The following PPP1R13B variants were observed in gnomAD, a reference collection of about 807,000 sequenced individuals.
The protein encoded by PPP1R13B is protein phosphatase 1 regulatory subunit 13B, also known as apoptosis-stimulating of p53 protein 1.
PPP1R13B carries 44 observed loss-of-function variants against 119.8 expected under a neutral mutation model. The observed-to-expected ratio is 0.37, with a 90% CI of 0.29 to 0.47. The LOEUF (loss-of-function observed/expected upper bound fraction) is 0.47, where lower values mean the gene tolerates loss of function less well. PPP1R13B is among the 20% of genes least tolerant of loss of function. The pLI, the probability that PPP1R13B is intolerant of heterozygous loss-of-function variation, is 0.99. For synonymous variants in PPP1R13B, 542 were observed against 561.5 expected, an observed-to-expected ratio of 0.97 and a Z score of 0.49; for missense variants, 1,227 against 1,413.5, an observed-to-expected ratio of 0.87 and a Z score of 2.12.
In PPP1R13B at chr14:103,739,985, G is replaced by A. The variant is rs2084211998; in HGVS notation, c.2431C>T (p.His811Tyr). The A allele has an allele frequency of 1.9e-6, 3 of 1,614,016 alleles. No individual in the cohort carries two copies. Among genetic ancestry groups the A allele is most frequent in the African/African-American group, 2.7e-5 (2 of 74,948 alleles). Residue 811 changes from histidine (H) to tyrosine (Y), a missense_variant, in exon 12 of 17, where the codon CAC becomes TAC. His to Tyr is a moderately conservative substitution (Grantham distance 83). Coordinates refer to ENST00000202556, the MANE Select transcript of PPP1R13B (RefSeq NM_015316.3). ...TCCTCTGCCGGCTCGGCAGTTTGGTGGGTGGTTTGGGGACAGATGAGCTCC... is the reference window on the plus strand; with the variant it reads ...TCCTCTGCCGGCTCGGCAGTTTGGTAGGTGGTTTGGGGACAGATGAGCTCC... The part of the protein sequence containing the change: ...PEELICPQTT[H>Y]QTAEPAEDNN...
chr14:103,847,605 C>G (rs1160196754), upstream of PPP1R13B: 1 of 986,110 alleles, frequency 1.0e-6, no homozygotes, highest in Non-Finnish European at 1.2e-6. Flanking sequence ...CGCTCTTCAG[C>G]CCCCGCAGGC....
chr14:103,754,250 A>T lies in PPP1R13B; in HGVS notation c.457-6T>A. ...AGAAAATGTAAACGCTGTTCCTAAC[A>T]AAAGAAAGAAAAATGTAACTTTGAA... On this transcript the variant is annotated splice_polypyrimidine_tract_variant and splice_region_variant and intron_variant, in intron 5 of 16. Transcript: ENST00000202556. The T allele has an allele frequency of 6.3e-7, 1 of 1,596,414 alleles. No individual in the cohort carries two copies. The highest frequency in any genetic ancestry group is 8.5e-7 in the Non-Finnish European group (1 of 1,172,964).
intron 1 of PPP1R13B, among the ~76,000 whole-genome samples, chr14:103,804,715 T>TA (rs1308826615): frequency 1.3e-5 from 2 of 151,738 alleles, no homozygotes; most frequent in Non-Finnish European, 2.9e-5. Flanking sequence ...GCCTGGGTGA[T>TA]AGAGTGAGAT....
chr14:103,775,773 G>A (rs1284644962), intron 4 of PPP1R13B, among the ~76,000 whole-genome samples: 1 of 152,094 alleles, frequency 6.6e-6, no homozygotes, highest in African/African-American at 2.4e-5. Context: ...TTCTTAAGAC[G>A]TCCTGAAGCA....
chr14:103,762,743 T>TG, intron 4 of PPP1R13B: 1 of 673,622 alleles, frequency 1.5e-6, no homozygotes, highest in Non-Finnish European at 2.8e-6. Context: ...GTGAGACGGA[T>TG]GGGGGTGGAG....
At chr14:103,815,755 C>CAAAAT (rs1461823284) in intron 1 of PPP1R13B, among the ~76,000 whole-genome samples, 3 of 146,858 alleles carry the variant, frequency 2.0e-5, no homozygotes, top group East Asian at 2.1e-4. Context: ...AACTCCATCT[C>CAAAAT]AAAATAAAAT....
chr14:103,739,870 G>A lies in PPP1R13B; in HGVS notation c.2546C>T (p.Pro849Leu), dbSNP rs2084207852. 1 of 1,613,678 alleles carries A rather than the reference G, an allele frequency of 6.2e-7. No individual in the cohort carries two copies. Among genetic ancestry groups the A allele is most frequent in the Non-Finnish European group, 8.5e-7 (1 of 1,179,940 alleles). Residue 849 changes from proline (P) to leucine (L), a missense_variant, in exon 12 of 17, where the codon CCT becomes CTT. Transcript: ENST00000202556. ...EAPSPGEEQV[P>L]PAPLPPASHP... ...GCTGGCAGGGGGAAGAGGTGCTGGA[G>A]GGACCTGCTCTTCCCCTGGAGATGG...
intron 1 of PPP1R13B, among the ~76,000 whole-genome samples, chr14:103,834,642 G>A (rs1421226476): frequency 6.8e-6 from 1 of 146,974 alleles, no homozygotes; most frequent in African/African-American, 2.5e-5. Flanking sequence ...CCAGGCTGGA[G>A]GGCAATGGAG....
intron 2 of PPP1R13B, among the ~76,000 whole-genome samples, chr14:103,792,928 G>A (rs889414285): frequency 1.9e-4 from 29 of 151,806 alleles, no homozygotes; most frequent in African/African-American, 6.5e-4. Flanking sequence ...AAAATTAGCC[G>A]GGCATGGTGG....
intron 2 of PPP1R13B, among the ~76,000 whole-genome samples, chr14:103,792,166 C>G (rs1199082526): frequency 1.2e-5 from 1 of 81,314 alleles, no homozygotes; most frequent in Non-Finnish European, 2.4e-5. Flanking sequence ...TCCCTCTATT[C>G]ATCGTGTGTG....
At chr14:103,799,421 G>GCC (rs1189656502) in intron 1 of PPP1R13B, among the ~76,000 whole-genome samples, 1 of 151,036 alleles carries the variant, frequency 6.6e-6, no homozygotes, top group Non-Finnish European at 1.5e-5. Flanking sequence ...CTCATGATCC[G>GCC]CCCGCCTTGG....
chr14:103,812,658 A>T (rs1363402655), intron 1 of PPP1R13B, among the ~76,000 whole-genome samples: 1 of 151,220 alleles, frequency 6.6e-6, no homozygotes, highest in African/African-American at 2.4e-5. Context: ...ACCTCAAATG[A>T]TCCCCCTGCC....
chr14:103,739,997 G>T lies in PPP1R13B; in HGVS notation c.2419C>A (p.Pro807Thr), dbSNP rs745693153. 1.9e-6 allele frequency: 3 copies of T among 1,614,138 alleles called. No individual in the cohort carries two copies. The South Asian group carries it at 3.3e-5, about 18-fold the overall frequency. Residue 807 changes from proline (P) to threonine (T), a missense_variant, in exon 12 of 17, where the codon CCC becomes ACC. Physicochemically the swap from Pro to Thr is conservative, Grantham distance 38. Coordinates refer to ENST00000202556, the MANE Select transcript of PPP1R13B (RefSeq NM_015316.3). The stretch of plus-strand genomic sequence containing the variant: ...TCGGCAGTTTGGTGGGTGGTTTGGG[G>T]ACAGATGAGCTCCTCTGGTTCGGGG... ...PSPEPEELIC[P>T]QTTHQTAEPA...
intron 12 of PPP1R13B, chr14:103,739,264 CA>C (rs1475324045): frequency 7.9e-6 from 4 of 506,918 alleles, no homozygotes; most frequent in African/African-American, 7.6e-5. Context: ...CACAGAGGGA[CA>C]CGGCTGTGTT....
chr14:103,807,658 C>T (rs1334303719), intron 1 of PPP1R13B, among the ~76,000 whole-genome samples: 1 of 152,014 alleles, frequency 6.6e-6, no homozygotes, highest in African/African-American at 2.4e-5. Context: ...CCACGCCCGG[C>T]TAATTTTTTG....
intron 1 of PPP1R13B, among the ~76,000 whole-genome samples, chr14:103,840,577 T>C (rs1057325987): frequency 5.9e-5 from 9 of 151,688 alleles, no homozygotes; most frequent in Admixed American, 6.6e-5. Flanking sequence ...TCATTTGAGG[T>C]CAGGAGTTTG....
chr14:103,765,737 A>C (rs561235820), intron 4 of PPP1R13B, among the ~76,000 whole-genome samples: 1 of 152,240 alleles, frequency 6.6e-6, no homozygotes, highest in East Asian at 1.9e-4. Context: ...AGGCAATGCC[A>C]TCTGCTTCCT....
At position 103,738,109 on chromosome 14, in the gene PPP1R13B, T is replaced by C. The variant is rs1472838747; in HGVS notation, c.2865-249A>G. ...CCACAGATGTTCACGCCACACTGCA[T>C]GGTGATGTGAATGTACATAACACAC... On this transcript the variant is annotated intron_variant, in intron 14 of 16. Coordinates refer to ENST00000202556, the MANE Select transcript of PPP1R13B (RefSeq NM_015316.3). The surrounding 1 kb of genome is among the most constrained non-coding windows in gnomAD (Gnocchi z 5.6). 6.6e-6 allele frequency among the ~76,000 whole-genome samples: 1 copy of C among 152,244 alleles called. No individual in the cohort carries two copies. Among genetic ancestry groups the C allele is most frequent in the Non-Finnish European group, 1.5e-5 (1 of 68,042 alleles).
intron 4 of PPP1R13B, among the ~76,000 whole-genome samples, chr14:103,773,833 C>A (rs1399804442): frequency 6.6e-6 from 1 of 152,196 alleles, no homozygotes; most frequent in Non-Finnish European, 1.5e-5. Flanking sequence ...TAGGTGACTG[C>A]CTCTATCCTC....
Sources: gnomAD v4.1 joint callset for allele counts (sites outside exome capture counted in the v4.1 genomes callset) on GRCh38, gnomAD v4.1.1 for gene constraint, Gnocchi (gnomAD v3.1) non-coding constraint, MANE v1.5 for transcripts, NCBI Gene and HGNC (gene_info 2026-07-23, HGNC 2026-07-21) for gene names.